The following PROX1 variants were observed in gnomAD, a reference collection of about 807,000 sequenced individuals.
PROX1 encodes the protein prospero homeobox protein 1.
A neutral mutation model predicts 58.8 loss-of-function variants in PROX1; 7 were observed. That is an observed-to-expected ratio of 0.12 (90% confidence interval 0.07 to 0.22). PROX1 has a LOEUF of 0.22. Among genes scored for constraint, PROX1 ranks in the 10% least tolerant of loss-of-function variants. The pLI, the probability that PROX1 is intolerant of heterozygous loss-of-function variation, is 1.00. For missense variants in PROX1, 675 were observed against 927.8 expected (o/e 0.73, Z 3.54); for synonymous variants, 350 against 358.3 (o/e 0.98, Z 0.26).
intron 4 of PROX1, among the ~76,000 whole-genome samples, chr1:214,019,777 G>A (rs904183986): frequency 2.0e-5 from 3 of 152,188 alleles, no homozygotes; most frequent in Admixed American, 6.5e-5. Context: ...AATGTCCCAC[G>A]CCGCAAATGC....
chr1:213,997,909 C>T lies in PROX1; in HGVS notation c.1374C>T (p.Gly458=), dbSNP rs1248380848. 2 of 1,612,218 alleles carry T rather than the reference C, an allele frequency of 1.2e-6. No individual in the cohort carries two copies. The highest frequency in any genetic ancestry group is 2.2e-5 in the East Asian group (1 of 44,872). The part of the protein sequence containing the change: ...SDQSASGPAA[G]GHHQPLHQSP... ...AGTCTGCCTCCGGCCCTGCCGCTGGCGGCCACCACCAGCCCCTGCACCAGT... is the reference window on the plus strand; with the variant it reads ...AGTCTGCCTCCGGCCCTGCCGCTGGTGGCCACCACCAGCCCCTGCACCAGT... The change falls in exon 2 of 5, where the codon GGC becomes GGT. Residue 458 remains glycine, a synonymous_variant. Transcript: ENST00000366958. This position sits in a 1 kb window ranked among gnomAD's most constrained non-coding sequence, Gnocchi z 7.1.
chr1:214,023,031 A>C (rs986382528), intron 4 of PROX1, among the ~76,000 whole-genome samples: 2 of 152,234 alleles, frequency 1.3e-5, no homozygotes, highest in Non-Finnish European at 2.9e-5. Context: ...CCCTATTTGC[A>C]GATCTGAATC....
chr1:213,983,550 C>T (rs1662751236), upstream of PROX1, among the ~76,000 whole-genome samples: 3 of 152,242 alleles, frequency 2.0e-5, no homozygotes, highest in Admixed American at 2.0e-4. Flanking sequence ...CACCCCATCT[C>T]ACTCCCCTTG....
At chr1:214,022,058 C>T (rs1038257105) in intron 4 of PROX1, among the ~76,000 whole-genome samples, 1 of 152,198 alleles carries the variant, frequency 6.6e-6, no homozygotes, top group Non-Finnish European at 1.5e-5. Flanking sequence ...TTATATAAAA[C>T]ATCCCCTTGA....
At chr1:214,017,307 G>A (rs760514103) in intron 4 of PROX1, among the ~76,000 whole-genome samples, 1 of 152,182 alleles carries the variant, frequency 6.6e-6, no homozygotes, top group Non-Finnish European at 1.5e-5. Flanking sequence ...ATTCAGTGGA[G>A]TTCTATGATC....
At position 213,996,779 on chromosome 1, in the gene PROX1, G is replaced by A. The variant is rs1002535235; in HGVS notation, c.244G>A (p.Asp82Asn). 6.2e-7 allele frequency: 1 copy of A among 1,614,092 alleles called. No homozygotes were observed. Among genetic ancestry groups the A allele is most frequent in the African/African-American group, 1.3e-5 (1 of 74,916 alleles). The change falls in exon 2 of 5, where the codon GAT becomes AAT. Residue 82 changes from aspartate to asparagine, a missense_variant. Asp to Asn is a conservative substitution (Grantham distance 23). Transcript: ENST00000366958. ...KLLKRANSYE[D>N]AMMPFPGATI... is the part of the protein sequence containing the mutation. ...GCTGAAGAGGGCGAACTCGTATGAA[G>A]ATGCCATGATGCCTTTTCCAGGAGC...
chr1:214,006,084 TATCATTATCCCAGGA>T (rs1359792139), intron 3 of PROX1, among the ~76,000 whole-genome samples: 1 of 152,138 alleles, frequency 6.6e-6, no homozygotes, highest in African/African-American at 2.4e-5. Flanking sequence ...ACACACATGG[TATCATTATCCCAGGA>T]ACTTGATAAA....
At chr1:214,030,388 A>T (rs1664606437) in intron 4 of PROX1, 1 of 152,116 alleles carries the variant, frequency 6.6e-6, no homozygotes, top group Non-Finnish European at 1.5e-5. Flanking sequence ...AAAAGTTTGT[A>T]ATCTATTGAT....
chr1:214,034,443 G>A (rs1664765053), intron 4 of PROX1, among the ~76,000 whole-genome samples: 1 of 152,190 alleles, frequency 6.6e-6, no homozygotes, highest in African/African-American at 2.4e-5. Context: ...TGCACTTAAT[G>A]TAAAAATGAA....
At chr1:214,035,214 A>T (rs1489384421) in intron 4 of PROX1, among the ~76,000 whole-genome samples, 1 of 152,206 alleles carries the variant, frequency 6.6e-6, no homozygotes, top group Non-Finnish European at 1.5e-5. Context: ...ATTTATAAAG[A>T]AGCCCAACTA....
intron 1 of PROX1, among the ~76,000 whole-genome samples, chr1:213,990,435 T>TG (rs1437443327): frequency 1.1e-5 from 1 of 92,564 alleles, no homozygotes; most frequent in East Asian, 3.8e-4. Flanking sequence ...GTTCTTGGGG[T>TG]GGGGGGTGGG....
chr1:214,036,741 A>T lies in PROX1; in HGVS notation c.*907A>T, dbSNP rs1022942347. The stretch of plus-strand genomic sequence containing the variant: ...TTAAAAGGATTCTGTTTACTTAACA[A>T]TTTTTTCCCCTAAAATACTATTTTC... On this transcript the variant is annotated 3_prime_UTR_variant, in exon 5 of 5. Coordinates refer to ENST00000366958, the MANE Select transcript of PROX1 (RefSeq NM_001270616.2). 6.6e-6 allele frequency: 1 copy of T among 152,172 alleles called. No individual in the cohort carries two copies. The highest frequency in any genetic ancestry group is 2.4e-5 in the African/African-American group (1 of 41,442). 9.4% of individuals were successfully genotyped at this position (152,172 alleles called of 1,614,324 possible). A position where few individuals can be genotyped will look rare whatever the true frequency, so the allele number is the denominator to read the frequency against.
chr1:213,995,964 T>C (rs183353406), intron 1 of PROX1, among the ~76,000 whole-genome samples: 33 of 152,358 alleles, frequency 2.2e-4, no homozygotes, highest in Admixed American at 1.8e-3. Context: ...TATTATATAT[T>C]TGCATTTATT....
At chr1:214,017,006 A>G (rs534966959) in intron 4 of PROX1, among the ~76,000 whole-genome samples, 1 of 152,152 alleles carries the variant, frequency 6.6e-6, no homozygotes, top group Non-Finnish European at 1.5e-5. Flanking sequence ...GACCTTTCTC[A>G]ACATTCTTAA....
chr1:214,007,108 TCTGTAG>T (rs1663743230), intron 3 of PROX1, among the ~76,000 whole-genome samples: 1 of 152,192 alleles, frequency 6.6e-6, no homozygotes, highest in Non-Finnish European at 1.5e-5. Context: ...AGATTATTGA[TCTGTAG>T]CTTTATAAAT....
At chr1:214,006,904 G>C (rs562019899) in intron 3 of PROX1, among the ~76,000 whole-genome samples, 6 of 152,262 alleles carry the variant, frequency 3.9e-5, no homozygotes, top group African/African-American at 1.4e-4. Context: ...CCCAGAAGTA[G>C]GCCAAAGAGC....
chr1:214,026,117 GTTTTTGATGC>G (rs1305407333), intron 4 of PROX1, among the ~76,000 whole-genome samples: 1 of 152,182 alleles, frequency 6.6e-6, no homozygotes, highest in African/African-American at 2.4e-5. Flanking sequence ...TTAGGTTTTA[GTTTTTGATGC>G]TTTTTCCTTG....
At chr1:214,029,701 C>G (rs1664580142) in intron 4 of PROX1, 1 of 152,044 alleles carries the variant, frequency 6.6e-6, no homozygotes, top group African/African-American at 2.4e-5. Context: ...TTTCGAGTTC[C>G]CTGAAACAAT....
chr1:214,013,990 C>T (rs1223330183), intron 4 of PROX1, among the ~76,000 whole-genome samples: 2 of 152,134 alleles, frequency 1.3e-5, no homozygotes, highest in African/African-American at 2.4e-5. Flanking sequence ...TGCACACACG[C>T]GTACCGACCA....
Sources: gnomAD v4.1 joint callset for allele counts (sites outside exome capture counted in the v4.1 genomes callset) on GRCh38, gnomAD v4.1.1 for gene constraint, Gnocchi (gnomAD v3.1) non-coding constraint, MANE v1.5 for transcripts, NCBI Gene and HGNC (gene_info 2026-07-23, HGNC 2026-07-21) for gene names.